Variants in SUCO observed in about 807,000 individuals in gnomAD.
The protein encoded by SUCO is SUN domain containing ossification factor.
In SUCO, 57 loss-of-function variants were observed where a neutral mutation model predicts 148.1. The observed-to-expected ratio is 0.38, with a 90% CI of 0.31 to 0.48. SUCO has a LOEUF of 0.48. SUCO is among the 20% of genes least tolerant of loss of function. The pLI is 0.96. For synonymous variants in SUCO, 470 were observed against 502.7 expected, an observed-to-expected ratio of 0.93 and a Z score of 0.87; for missense variants, 1,331 against 1,468.2, an observed-to-expected ratio of 0.91 and a Z score of 1.53.
chr1:172,537,047 C>T (rs996151073), intron 1 of SUCO, among the ~76,000 whole-genome samples: 8 of 151,942 alleles, frequency 5.3e-5, no homozygotes, highest in Non-Finnish European at 8.8e-5. Context: ...TTGAGGGGGG[C>T]GCATTATTCA....
intron 10 of SUCO, chr1:172,574,847 A>G: frequency 1.0e-6 from 1 of 984,168 alleles, no homozygotes; most frequent in Non-Finnish European, 1.2e-6. Context: ...CAGTTTTTGA[A>G]ATCGGTTCTC....
At chr1:172,574,137 C>T (rs745476853) in intron 10 of SUCO, 139 bp downstream of exon 10, 6 of 606,874 alleles carry the variant, frequency 9.9e-6, no homozygotes, top group South Asian at 5.6e-5. Flanking sequence ...AACGATAATA[C>T]GACTGTATTG....
intron 19 of SUCO, among the ~76,000 whole-genome samples, chr1:172,595,019 T>A (rs1656987316): frequency 1.3e-5 from 2 of 152,338 alleles, no homozygotes; most frequent in South Asian, 4.1e-4. Flanking sequence ...GTTGAATTGA[T>A]CCCTTTACCA....
chr1:172,565,506 A>G (rs1654487031), intron 6 of SUCO, among the ~76,000 whole-genome samples: 2 of 152,200 alleles, frequency 1.3e-5, no homozygotes, highest in Admixed American at 6.5e-5. Flanking sequence ...GGTGCAGTCT[A>G]TAATACCAAT....
chr1:172,565,653 G>T (rs905788349), intron 6 of SUCO, among the ~76,000 whole-genome samples: 6 of 152,192 alleles, frequency 3.9e-5, no homozygotes, highest in African/African-American at 1.2e-4. Flanking sequence ...TGGTGTCCCA[G>T]AGTCAACACA....
At chr1:172,561,838 A>T (rs1032123171) in intron 6 of SUCO, among the ~76,000 whole-genome samples, 6 of 152,176 alleles carry the variant, frequency 3.9e-5, no homozygotes, top group Admixed American at 2.0e-4. Context: ...ATACTACCTC[A>T]GCATTGGCAC....
At chr1:172,578,066 A>G (rs1483167008) in intron 13 of SUCO, among the ~76,000 whole-genome samples, 2 of 151,814 alleles carry the variant, frequency 1.3e-5, no homozygotes, top group Non-Finnish European at 3.0e-5. Flanking sequence ...ATACACAGAA[A>G]CGTTTTAGAC....
At chr1:172,595,040 G>A (rs1450348516) in intron 19 of SUCO, among the ~76,000 whole-genome samples, 1 of 152,120 alleles carries the variant, frequency 6.6e-6, no homozygotes, top group Non-Finnish European at 1.5e-5. Flanking sequence ...TTATGTAATG[G>A]CCTTCTTTGT....
At chr1:172,568,464 T>A (rs1200572370) in intron 6 of SUCO, 6 of 973,254 alleles carry the variant, frequency 6.2e-6, no homozygotes, top group Non-Finnish European at 7.3e-6. Context: ...CTTTTAAAAA[T>A]GATTTATGCA....
chr1:172,548,582 C>G (rs74124235), intron 1 of SUCO, among the ~76,000 whole-genome samples: 5,204 of 152,020 alleles, frequency 0.034, 270 homozygotes, highest in African/African-American at 0.12. Flanking sequence ...GATTGGTAGT[C>G]TTCTGCTGAT....
chr1:172,609,314 A>G (rs1475388726), intron 23 of SUCO: 2 of 984,866 alleles, frequency 2.0e-6, no homozygotes, highest in African/African-American at 3.5e-5. Context: ...AAATTAAGTT[A>G]TACTAATTTT....
intron 20 of SUCO, among the ~76,000 whole-genome samples, chr1:172,601,023 A>G (rs1341793626): frequency 6.6e-6 from 1 of 152,216 alleles, no homozygotes; most frequent in Non-Finnish European, 1.5e-5. Flanking sequence ...AGGACTTCGT[A>G]GACAATTTAG....
chr1:172,533,432 G>A lies in SUCO; in HGVS notation c.-4G>A, dbSNP rs1484914907. Reference sequence around the variant, plus strand: ...CTTCTGGCAGGGGGAAGAAGGAGGAGAAGATGAAGAAGCACCGGCGGGCCT... The same window carrying A: ...CTTCTGGCAGGGGGAAGAAGGAGGAAAAGATGAAGAAGCACCGGCGGGCCT... On this transcript the variant is annotated 5_prime_UTR_variant, in exon 1 of 24. Transcript: ENST00000263688. The A allele has an allele frequency of 2.6e-6, 4 of 1,560,272 alleles. No homozygotes were observed. The highest frequency in any genetic ancestry group is 2.7e-5 in the African/African-American group (2 of 73,546).
intron 1 of SUCO, chr1:172,542,590 A>T (rs972371348): frequency 4.4e-6 from 1 of 228,866 alleles, no homozygotes; most frequent in Non-Finnish European, 7.2e-6. Context: ...CATGAACCCT[A>T]CTATGAACCA....
intron 19 of SUCO, 89 bp downstream of exon 19, chr1:172,591,160 T>C (rs907573521): frequency 1.0e-6 from 1 of 970,492 alleles, no homozygotes; most frequent in Non-Finnish European, 1.5e-6. Context: ...TATTGTAGTT[T>C]CACTTTTTCC....
chr1:172,593,346 T>C (rs1415964858), intron 19 of SUCO, among the ~76,000 whole-genome samples: 1 of 152,236 alleles, frequency 6.6e-6, no homozygotes, highest in Non-Finnish European at 1.5e-5. Flanking sequence ...CATCCTTGTC[T>C]TGTGCCAGTT....
At chr1:172,548,454 C>T (rs1430359400) in intron 1 of SUCO, among the ~76,000 whole-genome samples, 1 of 151,892 alleles carries the variant, frequency 6.6e-6, no homozygotes, top group Non-Finnish European at 1.5e-5. Flanking sequence ...TGTTTCTTTG[C>T]ATTTGTACTC....
Position 172,572,088 on chromosome 1 carries a change from C to T in SUCO, c.1049+1358C>T, listed in dbSNP as rs1282109173. ...GTCCGGGAGGGAGGTGGGGGGTCAG[C>T]CCCCGCCTGGCAAGCCACCCGGTCC... On this transcript the variant is annotated intron_variant, in intron 9 of 23. Transcript: ENST00000263688. Among the ~76,000 whole-genome samples, 2 of 111,726 alleles carry T rather than the reference C, an allele frequency of 1.8e-5. 1 individual carries two copies. The highest frequency in any genetic ancestry group is 3.9e-5 in the Non-Finnish European group (2 of 50,816). The allele number at this position is 111,726 out of a possible 152,430, so 73.3% of individuals were successfully genotyped here. A position where few individuals can be genotyped will look rare whatever the true frequency, so the allele number is the denominator to read the frequency against.
At chr1:172,606,929 T>C (rs1657902829) in intron 22 of SUCO, among the ~76,000 whole-genome samples, 1 of 151,964 alleles carries the variant, frequency 6.6e-6, no homozygotes, top group South Asian at 2.1e-4. Flanking sequence ...TCTGATGTGT[T>C]TCCAGGCCAG....
Sources: gnomAD v4.1 joint callset for allele counts (sites outside exome capture counted in the v4.1 genomes callset) on GRCh38, gnomAD v4.1.1 for gene constraint, MANE v1.5 for transcripts, NCBI Gene and HGNC (gene_info 2026-07-23, HGNC 2026-07-21) for gene names.